The following ZNF609 variants were observed in gnomAD, a reference collection of about 807,000 sequenced individuals.
ZNF609 encodes the protein zinc finger protein 609.
ZNF609 carries 11 observed loss-of-function variants against 109.5 expected under a neutral mutation model. The observed-to-expected ratio is 0.10, with a 90% CI of 0.06 to 0.17. The LOEUF (loss-of-function observed/expected upper bound fraction) is 0.17, where lower values mean the gene tolerates loss of function less well. ZNF609 is among the 10% of genes least tolerant of loss of function. The pLI is 1.00. For missense variants in ZNF609, 1,559 were observed against 1,772.4 expected (o/e 0.88, Z 2.16); for synonymous variants, 646 against 662.0 (o/e 0.98, Z 0.37).
intron 4 of ZNF609, among the ~76,000 whole-genome samples, chr15:64,672,766 C>T (rs1040536234): frequency 1.3e-5 from 2 of 149,708 alleles, no homozygotes; most frequent in Non-Finnish European, 3.0e-5. Context: ...GAGATCGAGA[C>T]CATCCTGGCC....
chr15:64,559,842 C>T (rs1055234572), intron 2 of ZNF609, among the ~76,000 whole-genome samples: 2 of 152,180 alleles, frequency 1.3e-5, no homozygotes, highest in African/African-American at 4.8e-5. Context: ...CTTTTCTATT[C>T]ACCCACTTTG....
At chr15:64,598,784 A>ATATATATATATC (rs1567025010) in intron 2 of ZNF609, among the ~76,000 whole-genome samples, 1 of 116,952 alleles carries the variant, frequency 8.6e-6, no homozygotes, top group Non-Finnish European at 1.7e-5. Context: ...ATATATATAT[A>ATATATATATATC]TATCCTGTTA....
intron 3 of ZNF609, among the ~76,000 whole-genome samples, chr15:64,645,083 T>TTCCC (rs1261279734): frequency 0.012 from 708 of 60,016 alleles, 22 homozygotes; most frequent in Admixed American, 0.045. Context: ...CTTCCTTTCT[T>TTCCC]TCCCTCCCTC....
chr15:64,487,701 C>T (rs1188002788), intron 1 of ZNF609, among the ~76,000 whole-genome samples: 9 of 151,884 alleles, frequency 5.9e-5, no homozygotes, highest in Non-Finnish European at 1.2e-4. Context: ...GGCACAATCT[C>T]GGCTCACTGC....
intron 1 of ZNF609, among the ~76,000 whole-genome samples, chr15:64,463,128 C>A (rs1359203483): frequency 2.0e-5 from 3 of 152,150 alleles, no homozygotes; most frequent in Non-Finnish European, 4.4e-5. Context: ...GGCATAGTGG[C>A]ACATGCCAGT....
intron 2 of ZNF609, among the ~76,000 whole-genome samples, chr15:64,609,043 C>A (rs959582461): frequency 3.3e-5 from 5 of 150,208 alleles, no homozygotes; most frequent in Non-Finnish European, 7.4e-5. Context: ...AGCCCTGTTA[C>A]TTGCATGTTT....
intron 3 of ZNF609, among the ~76,000 whole-genome samples, chr15:64,636,786 A>G (rs1222463227): frequency 2.0e-5 from 3 of 152,204 alleles, no homozygotes; most frequent in Non-Finnish European, 2.9e-5. Context: ...TGCCTGAAGT[A>G]TAGAACTGGC....
At chr15:64,533,912 C>T (rs775074054) in intron 2 of ZNF609, among the ~76,000 whole-genome samples, 8 of 152,024 alleles carry the variant, frequency 5.3e-5, no homozygotes, top group Non-Finnish European at 7.3e-5. Context: ...GCGTATGTGT[C>T]GTTATTTCCA....
chr15:64,633,185 T>C (rs1241715485), intron 3 of ZNF609, among the ~76,000 whole-genome samples: 1 of 151,852 alleles, frequency 6.6e-6, no homozygotes, highest in Non-Finnish European at 1.5e-5. Context: ...TCTCACTCTG[T>C]TGCCCAGGCT....
chr15:64,578,498 G>A (rs1019128095), intron 2 of ZNF609, among the ~76,000 whole-genome samples: 9 of 152,082 alleles, frequency 5.9e-5, no homozygotes, highest in Admixed American at 4.6e-4. Context: ...TTCGAGATCA[G>A]CCTGACCAAC....
chr15:64,653,512 G>A (rs1048888083), intron 3 of ZNF609, among the ~76,000 whole-genome samples: 4 of 152,156 alleles, frequency 2.6e-5, no homozygotes, highest in African/African-American at 7.2e-5. Context: ...TGGGTGTGGC[G>A]GCGTGCGCCT....
At chr15:64,595,001 C>CA (rs545783193) in intron 2 of ZNF609, among the ~76,000 whole-genome samples, 4,099 of 66,826 alleles carry the variant, frequency 0.061, 173 homozygotes, top group African/African-American at 0.18. Flanking sequence ...GGCTCCGTCT[C>CA]AAAAAAAAAA....
At chr15:64,639,315 C>T (rs1896220425) in intron 3 of ZNF609, among the ~76,000 whole-genome samples, 1 of 152,188 alleles carries the variant, frequency 6.6e-6, no homozygotes, top group Non-Finnish European at 1.5e-5. Context: ...GTATTAATTT[C>T]CTGGGCTGCT....
intron 2 of ZNF609, among the ~76,000 whole-genome samples, chr15:64,589,825 A>C (rs931794562): frequency 2.0e-5 from 3 of 152,228 alleles, no homozygotes; most frequent in African/African-American, 7.2e-5. Flanking sequence ...TACATACTGT[A>C]AACAGACCCA....
intron 1 of ZNF609, among the ~76,000 whole-genome samples, chr15:64,489,528 CT>C (rs10577073): frequency 0.11 from 12,104 of 113,544 alleles, 1,504 homozygotes; most frequent in African/African-American, 0.3. Context: ...CCATTATTCA[CT>C]TTTTTTTTTT....
chr15:64,500,568 C>A, intron 2 of ZNF609: 1 of 603,552 alleles, frequency 1.7e-6, no homozygotes, highest in South Asian at 2.0e-5. Context: ...AAACAATACG[C>A]CTTTGGTGAT....
intron 3 of ZNF609, among the ~76,000 whole-genome samples, chr15:64,648,040 C>T (rs1896360325): frequency 6.6e-6 from 1 of 152,078 alleles, no homozygotes; most frequent in African/African-American, 2.4e-5. Context: ...GCTTCTCAGC[C>T]CAAAATAAAC....
chr15:64,579,293 C>A (rs1379069489), intron 2 of ZNF609, among the ~76,000 whole-genome samples: 1 of 151,404 alleles, frequency 6.6e-6, no homozygotes, highest in Non-Finnish European at 1.5e-5. Context: ...TGCCTATAGT[C>A]TCAGCTACTT....
chr15:64,499,844 G>T lies in ZNF609; in HGVS notation c.425G>T (p.Gly142Val), dbSNP rs1167800566. The change falls in exon 2 of 10, where the codon GGC becomes GTC. Residue 142 changes from glycine to valine, a missense_variant. Physicochemically the swap from Gly to Val is moderately radical, Grantham distance 109. Coordinates refer to ENST00000326648, the MANE Select transcript of ZNF609 (RefSeq NM_015042.2). ...CTGGTTGCTGCTATTGCTCCCAAGG[G>T]CTCAGAGAAGGCGGCTAAGGCATCC... ...GGLVAAIAPK[G>V]SEKAAKASRS... 1.2e-6 allele frequency: 2 copies of T among 1,614,104 alleles called. No homozygotes were observed. The highest frequency in any genetic ancestry group is 1.1e-5 in the South Asian group (1 of 91,080).
Sources: allele counts gnomAD v4.1 joint callset (sites outside exome capture counted in the v4.1 genomes callset), GRCh38; gene constraint gnomAD v4.1.1; transcripts MANE v1.5; gene names NCBI Gene and HGNC (gene_info 2026-07-23, HGNC 2026-07-21).